The following TMEM183A variants were observed in gnomAD, a reference collection of about 807,000 sequenced individuals.
TMEM183A encodes the protein chromosome 1 open reading frame 37.
Under a neutral mutation model 46.7 loss-of-function variants are expected in TMEM183A, and 21 were observed. The ratio of observed to expected loss-of-function variants is 0.45; its 90% confidence interval spans 0.32 to 0.65. The LOEUF (loss-of-function observed/expected upper bound fraction) is 0.65, where lower values mean the gene tolerates loss of function less well. Ranked by LOEUF, TMEM183A falls within the 30% of genes least tolerant of loss-of-function variation. The probability of loss-of-function intolerance (pLI) is 0.04; values close to 1 mark genes in which losing one functional copy is unlikely to be tolerated. For synonymous variants in TMEM183A, 165 were observed against 180.2 expected, an observed-to-expected ratio of 0.92 and a Z score of 0.68; for missense variants, 331 against 481.9, an observed-to-expected ratio of 0.69 and a Z score of 2.93.
chr1:203,022,676 C>T (rs1474557973), intron 7 of TMEM183A, among the ~76,000 whole-genome samples, 179 bp from the exon 8 acceptor site: 1 of 149,914 alleles, frequency 6.7e-6, no homozygotes, highest in Non-Finnish European at 1.5e-5. Context: ...GCACTACAGC[C>T]TGGGCAACAG....
chr1:203,014,343 C>T (rs1048957398), intron 3 of TMEM183A, among the ~76,000 whole-genome samples: 6 of 152,144 alleles, frequency 3.9e-5, no homozygotes, highest in Non-Finnish European at 5.9e-5. Context: ...TGGCTCACGC[C>T]AGTAATCCCA....
In TMEM183A at chr1:203,008,806, C is replaced by A. The variant is rs1023746623; in HGVS notation, c.363C>A (p.His121Gln). ...TVSRKKKSKR[H>Q]KEELDGAGGE... ...CCAGAAAAAAGAAAAGCAAGAGACA[C>A]AAAGGTATGGAGCTTGTTCTCTTTT... Residue 121 changes from histidine (H) to glutamine (Q), a missense_variant, in exon 3 of 8, where the codon CAC (histidine) becomes CAA (glutamine). Coordinates refer to ENST00000367242, the MANE Select transcript of TMEM183A (RefSeq NM_138391.6). 5 of 1,605,118 alleles carry A rather than the reference C, an allele frequency of 3.1e-6. No individual in the cohort carries two copies. The highest frequency in any genetic ancestry group is 4.3e-6 in the Non-Finnish European group (5 of 1,176,180).
At chr1:203,011,203 C>T (rs1276403112) in intron 3 of TMEM183A, among the ~76,000 whole-genome samples, 1 of 152,112 alleles carries the variant, frequency 6.6e-6, no homozygotes, top group Non-Finnish European at 1.5e-5. Flanking sequence ...AAACTGTTTT[C>T]CAAAGTGTGT....
intron 6 of TMEM183A, among the ~76,000 whole-genome samples, 179 bp from the exon 7 acceptor site, chr1:203,020,614 A>AT (rs1428097650): frequency 6.6e-6 from 1 of 152,208 alleles, no homozygotes; most frequent in Non-Finnish European, 1.5e-5. Context: ...ATCCAAATGT[A>AT]TTTACCCTTC....
At chr1:203,021,745 C>T (rs1657703285) in intron 7 of TMEM183A, among the ~76,000 whole-genome samples, 1 of 152,210 alleles carries the variant, frequency 6.6e-6, no homozygotes, top group South Asian at 2.1e-4. Flanking sequence ...GTATGTGCCT[C>T]TGGCATATTT....
chr1:203,007,476 G>A lies in TMEM183A; in HGVS notation c.11G>A (p.Gly4Glu), dbSNP rs1656050118. ...TCTCCGGCCGGAGACATGGCCCGGG[G>A]GCCCGGCCCGCTAGGCAGGCCTCGC... MAR[G>E]PGPLGRPRPD... The change falls in exon 1 of 8, where the codon GGG becomes GAG. Residue 4 changes from glycine to glutamate, a missense_variant. By Grantham distance (98) the Gly-to-Glu change is moderately conservative. Transcript: ENST00000367242. The A allele has an allele frequency of 5.4e-6, 8 of 1,469,196 alleles. No individual in the cohort carries two copies. Among genetic ancestry groups the A allele is most frequent in the Non-Finnish European group, 7.2e-6 (8 of 1,107,460 alleles). 91.0% of individuals were successfully genotyped at this position (1,469,196 alleles called of 1,614,324 possible). A position where few individuals can be genotyped will look rare whatever the true frequency, so the allele number is the denominator to read the frequency against.
chr1:203,008,749 C>T lies in TMEM183A; in HGVS notation c.306C>T (p.Ala102=). ...TCGACAGCAGTGATGAGATGGATGC[C>T]CAGGAGGAAAGCATCCATGAGAGAA... ...DIIDSSDEMD[A]QEESIHERTV... Residue 102 remains alanine (A), a synonymous_variant, in exon 3 of 8, where the codon GCC becomes GCT. Coordinates refer to ENST00000367242, the MANE Select transcript of TMEM183A (RefSeq NM_138391.6). 1 of 1,608,360 alleles carries T rather than the reference C, an allele frequency of 6.2e-7. No individual in the cohort carries two copies.
At chr1:203,012,235 T>TCACACACA (rs56743654) in intron 3 of TMEM183A, among the ~76,000 whole-genome samples, 8,623 of 80,772 alleles carry the variant, frequency 0.11, 1,146 homozygotes, top group Non-Finnish European at 0.13. Flanking sequence ...CCCCACTCCA[T>TCACACACA]CACACACACA....
intron 3 of TMEM183A, among the ~76,000 whole-genome samples, chr1:203,010,595 T>C (rs1656474940): frequency 6.6e-6 from 1 of 152,216 alleles, no homozygotes; most frequent in East Asian, 1.9e-4. Flanking sequence ...TCTTCATACT[T>C]CTTTGTCCTT....
intron 1 of TMEM183A, 66 bp downstream of exon 1, chr1:203,007,640 T>G: frequency 6.5e-7 from 1 of 1,528,902 alleles, no homozygotes; most frequent in South Asian, 1.2e-5. Context: ...GGCTGGACCG[T>G]GCCGAGGTGA....
In TMEM183A at chr1:203,024,571, G is replaced by T. The variant is rs1327725209; in HGVS notation, c.*1531G>T. The T allele has an allele frequency of 6.0e-5, 9 of 150,600 alleles. No homozygotes were observed. Among genetic ancestry groups the T allele is most frequent in the African/African-American group, 2.2e-4 (9 of 40,696 alleles). 9.3% of individuals were successfully genotyped at this position (150,600 alleles called of 1,614,324 possible). ...CTGCTAACAGCTAACCTTATCCCAC[G>T]TTGAGGGTGGTATTAAAACTGTTCA... On this transcript the variant is annotated 3_prime_UTR_variant, in exon 8 of 8. Transcript: ENST00000367242.
chr1:203,007,903 G>A (rs1280681504), intron 2 of TMEM183A, 40 bp downstream of exon 2: 3 of 1,611,830 alleles, frequency 1.9e-6, no homozygotes, highest in African/African-American at 2.7e-5. Flanking sequence ...ATGCCGCGAA[G>A]ACAGAACTAG....
chr1:203,022,802 C>T, intron 7 of TMEM183A, 53 bp from the exon 8 acceptor site: 1 of 1,611,054 alleles, frequency 6.2e-7, no homozygotes, highest in Non-Finnish European at 8.5e-7. Flanking sequence ...AGAGTGAGCT[C>T]TTGGAAACCA....
At position 203,023,685 on chromosome 1, in the gene TMEM183A, G is replaced by T. The variant is rs1657931264; in HGVS notation, c.*645G>T. The T allele has an allele frequency of 6.6e-6, 1 of 152,538 alleles. No homozygotes were observed. The highest frequency in any genetic ancestry group is 6.6e-5 in the Admixed American group (1 of 15,266). The allele number at this position is 152,538 out of a possible 1,614,324, so 9.4% of individuals were successfully genotyped here. On this transcript the variant is annotated 3_prime_UTR_variant, in exon 8 of 8. Transcript: ENST00000367242. ...ACTTTATACCCTTGGTACTATACTA[G>T]GAACTTTACATAGTATCTCTACTTC... is the stretch of plus-strand genomic sequence containing the variant.
chr1:203,008,872 A>G lies in TMEM183A; in HGVS notation c.367+62A>G, dbSNP rs118097531. Reference sequence around the variant, plus strand: ...CCTGTGGTGACAAATTGAAGATGTTACTTTCCCAGTAGCACAGGAGGAGAT... The same window carrying G: ...CCTGTGGTGACAAATTGAAGATGTTGCTTTCCCAGTAGCACAGGAGGAGAT... On this transcript the variant is annotated intron_variant, in intron 3 of 7. Coordinates refer to ENST00000367242, the MANE Select transcript of TMEM183A (RefSeq NM_138391.6). 1.6e-4 allele frequency: 237 copies of G among 1,447,336 alleles called. 2 individuals carry two copies. In the East Asian group the frequency reaches 5.7e-3, roughly 35 times the overall value. 89.7% of individuals were successfully genotyped at this position (1,447,336 alleles called of 1,614,324 possible).
chr1:203,020,892 G>A lies in TMEM183A; in HGVS notation c.889G>A (p.Val297Ile). ...NPDQDCCLLQVTTLNFIFIPI... is the reference protein window; with the variant it reads ...NPDQDCCLLQITTLNFIFIPI... ...AGACCAGGACTGCTGCCTACTGCAG[G>A]TCACCACCCTCAATTTCATCTTTAT... The change falls in exon 7 of 8, where the codon GTC (valine) becomes ATC (isoleucine). Residue 297 changes from valine (V) to isoleucine (I), a missense_variant. Val to Ile is a conservative substitution (Grantham distance 29, BLOSUM62 3). This residue lies in a region of TMEM183A where 233 missense variants were observed against 385.8 expected (regional missense o/e 0.60). Transcript: ENST00000367242. The A allele has an allele frequency of 6.2e-7, 1 of 1,613,082 alleles. No individual in the cohort carries two copies. The highest frequency in any genetic ancestry group is 1.1e-5 in the South Asian group (1 of 90,990).
In TMEM183A at chr1:203,015,972, G is replaced by A; in HGVS notation, c.540G>A (p.Leu180=). 6.2e-7 allele frequency: 1 copy of A among 1,613,938 alleles called. No homozygotes were observed. Among genetic ancestry groups the A allele is most frequent in the Middle Eastern group, 1.7e-4 (1 of 6,056 alleles). Reference sequence around the variant, plus strand: ...TGTCATGTTTCAGGCACTACACGCTGGATGCTTCCCTGCCTTTGCGTCTGC... The same window carrying A: ...TGTCATGTTTCAGGCACTACACGCTAGATGCTTCCCTGCCTTTGCGTCTGC... ...WTRLYRRHYT[L]DASLPLRLRP... is the part of the protein sequence containing the mutation. The change falls in exon 5 of 8, where the codon CTG becomes CTA. Residue 180 remains leucine (L), a synonymous_variant. Coordinates refer to ENST00000367242, the MANE Select transcript of TMEM183A (RefSeq NM_138391.6).
At chr1:203,015,635 C>G in intron 4 of TMEM183A, 1 of 257,268 alleles carries the variant, frequency 3.9e-6, no homozygotes, top group Non-Finnish European at 7.5e-6. Flanking sequence ...ACTGGAGAAC[C>G]TGGTGGCTCT....
chr1:203,020,375 A>G (rs1468304479), intron 6 of TMEM183A, among the ~76,000 whole-genome samples: 1 of 152,198 alleles, frequency 6.6e-6, no homozygotes, highest in Non-Finnish European at 1.5e-5. Context: ...ATTTTCCTTT[A>G]GTTCCGAGAC....
Sources: gnomAD v4.1 joint callset for allele counts (sites outside exome capture counted in the v4.1 genomes callset) on GRCh38, gnomAD v4.1.1 for gene constraint, gnomAD v4.1.1 regional missense constraint, MANE v1.5 for transcripts, NCBI Gene and HGNC (gene_info 2026-07-23, HGNC 2026-07-21) for gene names.